Variants in GRIP2 observed in about 807,000 individuals in gnomAD.
GRIP2 encodes the protein glutamate receptor-interacting protein 2.
Under a neutral mutation model 108.3 loss-of-function variants are expected in GRIP2, and 58 were observed. The observed-to-expected ratio is 0.54, with a 90% CI of 0.43 to 0.67. GRIP2 has a LOEUF of 0.67. Among genes scored for constraint, GRIP2 ranks in the 30% least tolerant of loss-of-function variants. The pLI is 0.00. For missense variants in GRIP2, 1,278 were observed against 1,430.6 expected (o/e 0.89, Z 1.72); for synonymous variants, 586 against 598.2 (o/e 0.98, Z 0.30).
chr3:14,528,607 A>G lies in GRIP2; in HGVS notation c.41-2676T>C, dbSNP rs181689637. On this transcript the variant is annotated intron_variant, in intron 1 of 23. Transcript: ENST00000621039. ...ACACTGGCTTATACCTGTGACCCCA[A>G]CACTTTGGGAGGCCAGGGTAGAAGG... Among the ~76,000 whole-genome samples, 10 of 152,304 alleles carry G rather than the reference A, an allele frequency of 6.6e-5. No individual in the cohort carries two copies. The East Asian group carries it at 1.9e-3, about 29-fold the overall frequency.
the GRIP2 span, among the ~76,000 whole-genome samples, chr3:14,576,472 G>C: frequency 6.6e-6 from 1 of 152,252 alleles, no homozygotes; most frequent in Non-Finnish European, 1.5e-5. Flanking sequence ...TGAAAGGCCA[G>C]TGAGCAAGGA....
chr3:14,568,940 T>C, the GRIP2 span, among the ~76,000 whole-genome samples: 2 of 152,184 alleles, frequency 1.3e-5, no homozygotes, highest in Non-Finnish European at 2.9e-5. Flanking sequence ...ACCCTCTCCA[T>C]GTCTCGGCTT....
upstream of GRIP2, among the ~76,000 whole-genome samples, chr3:14,544,062 C>G (rs184770160): frequency 6.6e-6 from 1 of 152,344 alleles, no homozygotes; most frequent in East Asian, 1.9e-4. Flanking sequence ...TTCAAGGGAG[C>G]TAAGCACACA....
the GRIP2 span, among the ~76,000 whole-genome samples, chr3:14,562,288 GT>G: frequency 6.6e-6 from 1 of 152,194 alleles, no homozygotes; most frequent in African/African-American, 2.4e-5. Flanking sequence ...GTCTCAGAAA[GT>G]AAGGAAGTGT....
intron 16 of GRIP2, among the ~76,000 whole-genome samples, chr3:14,510,848 C>T (rs1042044604): frequency 1.3e-5 from 2 of 152,212 alleles, no homozygotes; most frequent in African/African-American, 4.8e-5. Flanking sequence ...TTCCCCTGCC[C>T]TACCCACTCA....
At chr3:14,589,862 CCTCAACCCCACAT>C in the GRIP2 span, among the ~76,000 whole-genome samples, 1 of 150,426 alleles carries the variant, frequency 6.6e-6, no homozygotes, top group Non-Finnish European at 1.5e-5. Context: ...CTCACTGCAG[CCTCAACCCCACAT>C]CTCAACCTCC....
At chr3:14,523,759 G>C in intron 4 of GRIP2, 61 bp from the exon 5 acceptor site, 1 of 1,117,328 alleles carries the variant, frequency 8.9e-7, no homozygotes, top group Non-Finnish European at 1.3e-6. Context: ...CGGTAGATGT[G>C]CCCAAAGCTC....
At position 14,514,469 on chromosome 3, in the gene GRIP2, G is replaced by A; in HGVS notation, c.1316C>T (p.Ala439Val). The A allele has an allele frequency of 1.3e-6, 2 of 1,572,124 alleles. No homozygotes were observed. Among genetic ancestry groups the A allele is most frequent in the African/African-American group, 1.3e-5 (1 of 74,224 alleles). ...CCCGCCCGGCCCCACCGTGCTGGAG[G>A]CTAGCGACACTGTAGGACAGGTGGG... ...RREHKSSLSL[A>V]SSTVGPGGQI... The change falls in exon 12 of 24, where the codon GCC becomes GTC. Residue 439 changes from alanine (A) to valine (V), a missense_variant. Coordinates refer to ENST00000621039, the MANE Select transcript of GRIP2 (RefSeq NM_001080423.4).
chr3:14,539,046 C>T (rs1158798585), intron 1 of GRIP2, among the ~76,000 whole-genome samples: 1 of 152,238 alleles, frequency 6.6e-6, no homozygotes, highest in Non-Finnish European at 1.5e-5. Context: ...AAGGCAGAGC[C>T]TCCATTTACA....
At chr3:14,504,545 C>T (rs1340137762) in intron 20 of GRIP2, among the ~76,000 whole-genome samples, 1 of 152,110 alleles carries the variant, frequency 6.6e-6, no homozygotes, top group Non-Finnish European at 1.5e-5. Context: ...CTCCCGACCT[C>T]GTGATCTGCC....
the GRIP2 span, among the ~76,000 whole-genome samples, chr3:14,588,323 G>A: frequency 6.6e-6 from 1 of 152,132 alleles, no homozygotes; most frequent in Non-Finnish European, 1.5e-5. Flanking sequence ...TGACTCCTTG[G>A]GTGTGAGGAA....
chr3:14,507,045 A>G lies in GRIP2; in HGVS notation c.2219-65T>C. The G allele has an allele frequency of 6.9e-7, 1 of 1,452,228 alleles. No individual in the cohort carries two copies. Among genetic ancestry groups the G allele is most frequent in the Non-Finnish European group, 9.3e-7 (1 of 1,072,412 alleles). 90.0% of individuals were successfully genotyped at this position (1,452,228 alleles called of 1,614,324 possible). A position where few individuals can be genotyped will look rare whatever the true frequency, so the allele number is the denominator to read the frequency against. On this transcript the variant is annotated intron_variant, in intron 18 of 23. Transcript: ENST00000621039. This position sits in a 1 kb window ranked among gnomAD's most constrained non-coding sequence, Gnocchi z 4.6. ...ACTCACAGTGAGCCTCAGTTTCTGC[A>G]TTTCAGCCTGGTCTGGAAACTCACA...
At chr3:14,598,446 C>T in the GRIP2 span, among the ~76,000 whole-genome samples, 12 of 152,076 alleles carry the variant, frequency 7.9e-5, no homozygotes, top group South Asian at 1.5e-3. Flanking sequence ...CTGGACAGAT[C>T]CCCACCCCAA....
At chr3:14,567,000 C>T in the GRIP2 span, among the ~76,000 whole-genome samples, 1 of 152,114 alleles carries the variant, frequency 6.6e-6, no homozygotes, top group African/African-American at 2.4e-5. Flanking sequence ...CTACAATCTT[C>T]TGTGGCTCCC....
intron 19 of GRIP2, among the ~76,000 whole-genome samples, chr3:14,506,316 G>A (rs544183304): frequency 1.3e-5 from 2 of 152,230 alleles, no homozygotes; most frequent in South Asian, 2.1e-4. Flanking sequence ...AGACTCAGAC[G>A]TCTCCCTGCG....
intron 1 of GRIP2, among the ~76,000 whole-genome samples, chr3:14,527,202 G>GA: frequency 6.6e-6 from 1 of 152,186 alleles, no homozygotes; most frequent in South Asian, 2.1e-4. Context: ...CGAAAAGAGA[G>GA]AAAGACAGAG....
rs547530819 is a variant in GRIP2 at position 14,496,858 on chromosome 3, A to G, written c.2680-298T>C. On this transcript the variant is annotated intron_variant, in intron 21 of 23. Transcript: ENST00000621039. Reference sequence around the variant, plus strand: ...TTTATTCTCTACAGTACAATGATGCAAGTAAATACCACTTTTTTCCACTTT... The same window carrying G: ...TTTATTCTCTACAGTACAATGATGCGAGTAAATACCACTTTTTTCCACTTT... 2.0e-5 allele frequency among the ~76,000 whole-genome samples: 3 copies of G among 152,356 alleles called. No homozygotes were observed. In the East Asian group the frequency reaches 5.8e-4, roughly 29 times the overall value.
At position 14,492,442 on chromosome 3, in the gene GRIP2, T is replaced by C. The variant is rs1701357992; in HGVS notation, c.*1223A>G. On this transcript the variant is annotated 3_prime_UTR_variant, in exon 24 of 24. Transcript: ENST00000621039. ...CCACCAGGGGAGGCCCACACCCTTC[T>C]CAAAATGAAGAGGGTCTCTGATTTG... is the stretch of plus-strand genomic sequence containing the variant. 1 of 152,274 alleles carries C rather than the reference T, an allele frequency of 6.6e-6. No individual in the cohort carries two copies. The allele number at this position is 152,274 out of a possible 1,614,324, so 9.4% of individuals were successfully genotyped here.
rs562239831 is a variant in GRIP2, at chr3:14,507,686, T to C, written c.2093A>G (p.His698Arg). ...GATGGCCAGAATGCGGTCCCCCACGTGGATGGCACCAGTCCTGAGGAGTGG... is the reference window on the plus strand; with the variant it reads ...GATGGCCAGAATGCGGTCCCCCACGCGGATGGCACCAGTCCTGAGGAGTGG... ...RGLAERTGAI[H>R]VGDRILAINN... The change falls in exon 18 of 24, where the codon CAC (histidine) becomes CGC (arginine). Residue 698 changes from histidine (H) to arginine (R), a missense_variant. Transcript: ENST00000621039. The surrounding 1 kb of genome is among the most constrained non-coding windows in gnomAD (Gnocchi z 4.6). 1.9e-6 allele frequency: 3 copies of C among 1,613,904 alleles called. No homozygotes were observed. The South Asian group carries it at 3.3e-5, about 18-fold the overall frequency.
Sources: allele counts gnomAD v4.1 joint callset (sites outside exome capture counted in the v4.1 genomes callset), GRCh38; gene constraint gnomAD v4.1.1; non-coding constraint Gnocchi (gnomAD v3.1); transcripts MANE v1.5; gene names NCBI Gene and HGNC (gene_info 2026-07-23, HGNC 2026-07-21).